RBKS: variants seen among roughly 807,000 people sequenced by gnomAD.
RBKS encodes ribokinase.
A neutral mutation model predicts 33.9 loss-of-function variants in RBKS; 33 were observed. That is an observed-to-expected ratio of 0.97 (90% CI 0.74 to 1.30). The LOEUF (loss-of-function observed/expected upper bound fraction) is 1.30, where lower values mean the gene tolerates loss of function less well. Ranked by LOEUF, RBKS falls within the 50% of genes most tolerant of loss-of-function variation. The pLI is 0.00. For synonymous variants in RBKS, 125 were observed against 143.0 expected, an observed-to-expected ratio of 0.87 and a Z score of 0.90; for missense variants, 361 against 392.6, an observed-to-expected ratio of 0.92 and a Z score of 0.68.
intron 6 of RBKS, among the ~76,000 whole-genome samples, chr2:27,831,258 A>AG (rs1678409493): frequency 6.8e-6 from 1 of 146,042 alleles, no homozygotes; most frequent in Non-Finnish European, 1.5e-5. Flanking sequence ...GATAGCCATC[A>AG]GGGATACAAC....
At chr2:27,822,472 C>T (rs931005789) in intron 7 of RBKS, among the ~76,000 whole-genome samples, 3 of 152,142 alleles carry the variant, frequency 2.0e-5, no homozygotes, top group African/African-American at 7.2e-5. Flanking sequence ...TTGAGACAGC[C>T]GGGATGGCCG....
intron 7 of RBKS, among the ~76,000 whole-genome samples, chr2:27,783,655 C>T (rs1397668102): frequency 2.6e-5 from 4 of 152,120 alleles, no homozygotes; most frequent in Admixed American, 2.6e-4. Flanking sequence ...CGCCTGTAAT[C>T]CCAGCACTTC....
intron 1 of RBKS, among the ~76,000 whole-genome samples, chr2:27,878,543 C>G (rs1664361681): frequency 6.6e-6 from 1 of 152,102 alleles, no homozygotes; most frequent in Admixed American, 6.6e-5. Context: ...TGGATATATA[C>G]CCAGTAATGG....
At chr2:27,790,705 T>C (rs1677505987) in intron 7 of RBKS, among the ~76,000 whole-genome samples, 2 of 152,142 alleles carry the variant, frequency 1.3e-5, no homozygotes, top group Non-Finnish European at 2.9e-5. Flanking sequence ...GAAATGCAAA[T>C]TCAAAACACA....
chr2:27,860,078 C>T (rs1663943055), intron 1 of RBKS, among the ~76,000 whole-genome samples: 1 of 152,140 alleles, frequency 6.6e-6, no homozygotes, highest in South Asian at 2.1e-4. Context: ...AATTTGAAAA[C>T]ATCCCACTCC....
intron 7 of RBKS, among the ~76,000 whole-genome samples, chr2:27,801,958 AAAAAAAT>A (rs1677796413): frequency 1.5e-5 from 1 of 67,322 alleles, no homozygotes; most frequent in African/African-American, 5.8e-5. Context: ...GGGAAAAAAA[AAAAAAAT>A]ATATATATAT....
At chr2:27,872,719 T>C (rs1383166329) in intron 1 of RBKS, among the ~76,000 whole-genome samples, 1 of 152,040 alleles carries the variant, frequency 6.6e-6, no homozygotes, top group Non-Finnish European at 1.5e-5. Context: ...CAAGAAATTG[T>C]CAAATCCACC....
intron 7 of RBKS, among the ~76,000 whole-genome samples, chr2:27,798,487 G>T (rs1230628547): frequency 6.6e-6 from 1 of 152,046 alleles, no homozygotes; most frequent in African/African-American, 2.4e-5. Flanking sequence ...ACCAGTTGTC[G>T]AGTTTAAATC....
At chr2:27,817,640 A>G (rs993190001) in intron 7 of RBKS, among the ~76,000 whole-genome samples, 8 of 152,192 alleles carry the variant, frequency 5.3e-5, no homozygotes, top group African/African-American at 1.9e-4. Context: ...CAGGGTATAC[A>G]TGGATTATTT....
chr2:27,888,208 A>G (rs1573085841), intron 1 of RBKS, among the ~76,000 whole-genome samples: 1 of 151,008 alleles, frequency 6.6e-6, no homozygotes, highest in Non-Finnish European at 1.5e-5. Flanking sequence ...GCTCACTGCT[A>G]CCTCCACCTC....
chr2:27,845,362 C>T (rs368635185), intron 4 of RBKS, among the ~76,000 whole-genome samples: 25 of 152,192 alleles, frequency 1.6e-4, no homozygotes, highest in African/African-American at 4.8e-4. Flanking sequence ...GTGTATTTGT[C>T]CTAATTCTTC....
rs753633965 is a variant in RBKS at position 27,811,528 on chromosome 2, G to T, written c.795+16039C>A. On this transcript the variant is annotated intron_variant, in intron 7 of 7. Transcript: ENST00000302188. Reference sequence around the variant, plus strand: ...TCTTGGAACTCCCACGATGCTCTGAGAATAAGATGAAAGGCAGCCTGAGGA... The same window carrying T: ...TCTTGGAACTCCCACGATGCTCTGATAATAAGATGAAAGGCAGCCTGAGGA... Among the ~76,000 whole-genome samples, 315 of 152,122 alleles carry T rather than the reference G, an allele frequency of 2.1e-3. 3 individuals carry two copies. Among genetic ancestry groups the T allele is most frequent in the Non-Finnish European group, 6.6e-4 (45 of 68,028 alleles).
intron 1 of RBKS, among the ~76,000 whole-genome samples, chr2:27,872,002 G>A (rs763459400): frequency 1.6e-4 from 25 of 152,328 alleles, no homozygotes; most frequent in Non-Finnish European, 2.9e-4. Context: ...TAGGGTTCAC[G>A]CTACTATGAG....
At chr2:27,846,340 G>C (rs914214305) in intron 4 of RBKS, among the ~76,000 whole-genome samples, 20 of 152,262 alleles carry the variant, frequency 1.3e-4, no homozygotes, top group Admixed American at 1.2e-3. Flanking sequence ...GTCTCACTCT[G>C]TCACGCAGGC....
chr2:27,834,822 A>T (rs1281267115), intron 5 of RBKS, among the ~76,000 whole-genome samples: 1 of 152,132 alleles, frequency 6.6e-6, no homozygotes, highest in African/African-American at 2.4e-5. Flanking sequence ...TAAAAGATCA[A>T]TTTTTTCCCT....
At chr2:27,818,478 G>C (rs1457054883) in intron 7 of RBKS, among the ~76,000 whole-genome samples, 1 of 152,204 alleles carries the variant, frequency 6.6e-6, no homozygotes. Context: ...GTTGGAGACA[G>C]ACAGACAGAC....
chr2:27,789,976 T>G (rs1677489617), intron 7 of RBKS, among the ~76,000 whole-genome samples: 7 of 139,242 alleles, frequency 5.0e-5, no homozygotes, highest in African/African-American at 1.7e-4. Context: ...TATATATGTA[T>G]ATATATATGT....
chr2:27,841,381 C>T (rs1342118561), intron 5 of RBKS, among the ~76,000 whole-genome samples: 1 of 152,128 alleles, frequency 6.6e-6, no homozygotes, highest in African/African-American at 2.4e-5. Flanking sequence ...TTGATCTATA[C>T]AAAGAAAGAC....
At chr2:27,854,358 C>A (rs1484000894) in intron 2 of RBKS, among the ~76,000 whole-genome samples, 3 of 152,190 alleles carry the variant, frequency 2.0e-5, no homozygotes, top group Admixed American at 1.3e-4. Flanking sequence ...TGAACAGCAC[C>A]ACCTTAATGT....
Sources: allele counts gnomAD v4.1 joint callset (sites outside exome capture counted in the v4.1 genomes callset), GRCh38; gene constraint gnomAD v4.1.1; transcripts MANE v1.5; gene names NCBI Gene and HGNC (gene_info 2026-07-23, HGNC 2026-07-21).